Variants in ITGA8 observed in about 807,000 individuals in gnomAD.
ITGA8 encodes integrin subunit alpha 8.
A neutral mutation model predicts 142.3 loss-of-function variants in ITGA8; 91 were observed. That is an observed-to-expected ratio of 0.64 (90% CI 0.54 to 0.76). ITGA8 has a LOEUF of 0.76. Among genes scored for constraint, ITGA8 ranks in the 30% least tolerant of loss-of-function variants. The pLI, the probability that ITGA8 is intolerant of heterozygous loss-of-function variation, is 0.00. For missense variants in ITGA8, 1,406 were observed against 1,327.7 expected, an observed-to-expected ratio of 1.06 and a Z score of -0.92; for synonymous variants, 505 against 485.2, an observed-to-expected ratio of 1.04 and a Z score of -0.54.
At chr10:15,694,678 C>CAT (rs71374639) in intron 2 of ITGA8, among the ~76,000 whole-genome samples, 2,396 of 77,484 alleles carry the variant, frequency 0.031, 148 homozygotes, top group African/African-American at 0.099. Flanking sequence ...TATTTGTCGA[C>CAT]ATATATATAT....
At chr10:15,524,022 C>A (rs1306930463) in intron 28 of ITGA8, among the ~76,000 whole-genome samples, 2 of 152,152 alleles carry the variant, frequency 1.3e-5, no homozygotes, top group Admixed American at 6.5e-5. Context: ...TCCATGTCAT[C>A]CTGTGCAATT....
chr10:15,544,349 T>C (rs60367108), intron 27 of ITGA8, among the ~76,000 whole-genome samples: 8,388 of 151,916 alleles, frequency 0.055, 749 homozygotes, highest in African/African-American at 0.19. Flanking sequence ...CAAAACCCCA[T>C]AAAAACAAAT....
At chr10:15,629,978 GCA>G (rs1173672335) in intron 13 of ITGA8, among the ~76,000 whole-genome samples, 1 of 151,934 alleles carries the variant, frequency 6.6e-6, no homozygotes, top group Non-Finnish European at 1.5e-5. Flanking sequence ...TTGGAGAAAG[GCA>G]CAGACCTGTC....
At chr10:15,534,822 C>G (rs1041651852) in intron 27 of ITGA8, among the ~76,000 whole-genome samples, 3 of 152,210 alleles carry the variant, frequency 2.0e-5, no homozygotes, top group Non-Finnish European at 2.9e-5. Context: ...CCTCACAGCC[C>G]TGGCTCGCTC....
intron 8 of ITGA8, among the ~76,000 whole-genome samples, chr10:15,670,824 A>G (rs904539933): frequency 6.6e-6 from 1 of 152,168 alleles, no homozygotes; most frequent in African/African-American, 2.4e-5. Context: ...CTGAGCCCAG[A>G]CTTTGCTCGA....
At chr10:15,717,084 A>T (rs560455815) in intron 2 of ITGA8, among the ~76,000 whole-genome samples, 1 of 152,362 alleles carries the variant, frequency 6.6e-6, no homozygotes, top group South Asian at 2.1e-4. Context: ...TATTGGGATG[A>T]GTACTTACAA....
chr10:15,586,022 T>G (rs1832823766), intron 23 of ITGA8, among the ~76,000 whole-genome samples: 1 of 151,562 alleles, frequency 6.6e-6, no homozygotes, highest in African/African-American at 2.4e-5. Flanking sequence ...GTTTGATTAC[T>G]GCACTGTCAA....
At chr10:15,655,510 G>T (rs1588701819) in intron 10 of ITGA8, 104 bp from the exon 11 acceptor site, 2 of 825,156 alleles carry the variant, frequency 2.4e-6, no homozygotes, top group Non-Finnish European at 4.0e-6. Flanking sequence ...GTACATTTTT[G>T]CATTGAAATT....
intron 13 of ITGA8, among the ~76,000 whole-genome samples, chr10:15,622,598 AAAAC>A (rs1359919841): frequency 1.3e-4 from 2 of 15,532 alleles, no homozygotes; most frequent in Non-Finnish European, 4.5e-4. Context: ...AAAACAAAAC[AAAAC>A]AAAAAAAAAA....
In ITGA8 at chr10:15,719,522, C is replaced by T. The variant is rs761220044; in HGVS notation, c.209+41G>A. On this transcript the variant is annotated intron_variant, in intron 1 of 29. Transcript: ENST00000378076. ...GCCGCTGGGACCTGACCCGGGAGCG[C>T]CTTCGTCCCCGCGCGCACCTCCCCG... 8 of 1,491,254 alleles carry T rather than the reference C, an allele frequency of 5.4e-6. No individual in the cohort carries two copies. In the East Asian group the frequency reaches 2.2e-4, roughly 41 times the overall value. The allele number at this position is 1,491,254 out of a possible 1,614,324, so 92.4% of individuals were successfully genotyped here.
Position 15,548,567 on chromosome 10 carries a change from T to C in ITGA8, c.2768A>G (p.Asn923Ser). Residue 923 changes from asparagine (N) to serine (S), a missense_variant and splice_region_variant, in exon 27 of 30, where the codon AAT becomes AGT. By Grantham distance (46) the Asn-to-Ser change is conservative. Coordinates refer to ENST00000378076, the MANE Select transcript of ITGA8 (RefSeq NM_003638.3). ...TTGTAAACACTCGATATTTGTACAA[T>C]TCTGCAAACAGCAGTGGGAACACGT... ...FHRQSPAKILNCTNIECLQIS... is the reference protein window; with the variant it reads ...FHRQSPAKILSCTNIECLQIS... The C allele has an allele frequency of 6.3e-7, 1 of 1,598,372 alleles. No homozygotes were observed. The highest frequency in any genetic ancestry group is 8.6e-7 in the Non-Finnish European group (1 of 1,167,650).
At chr10:15,570,387 C>A (rs2131579799) in intron 25 of ITGA8, among the ~76,000 whole-genome samples, 1 of 152,062 alleles carries the variant, frequency 6.6e-6, no homozygotes, top group African/African-American at 2.4e-5. Flanking sequence ...GTGGGCGGAT[C>A]ACCTGAGGTC....
chr10:15,655,497 G>A lies in ITGA8; in HGVS notation c.949-91C>T, dbSNP rs1485374674. 8 of 906,150 alleles carry A rather than the reference G, an allele frequency of 8.8e-6. No individual in the cohort carries two copies. The East Asian group carries it at 1.5e-4, about 17-fold the overall frequency. The allele number at this position is 906,150 out of a possible 1,614,324, so 56.1% of individuals were successfully genotyped here. ...TTATTCCTGAAAGATTCATCTCATT[G>A]TGGTACATTTTTGCATTGAAATTCA... On this transcript the variant is annotated intron_variant, in intron 10 of 29. Transcript: ENST00000378076.
intron 2 of ITGA8, among the ~76,000 whole-genome samples, chr10:15,701,933 G>C (rs2131727632): frequency 6.6e-6 from 1 of 152,312 alleles, no homozygotes; most frequent in African/African-American, 2.4e-5. Context: ...TGATGCATCT[G>C]AGAACAGGGA....
At chr10:15,521,759 G>A (rs1008687787) in intron 28 of ITGA8, among the ~76,000 whole-genome samples, 1 of 152,216 alleles carries the variant, frequency 6.6e-6, no homozygotes, top group African/African-American at 2.4e-5. Flanking sequence ...GATGAGAAAC[G>A]TAGTTCATAC....
chr10:15,520,492 A>AG (rs1235688392), intron 28 of ITGA8, among the ~76,000 whole-genome samples: 1 of 152,178 alleles, frequency 6.6e-6, no homozygotes, highest in Non-Finnish European at 1.5e-5. Context: ...CACTGTTGCA[A>AG]GGGGGCTTAG....
At chr10:15,531,611 A>G (rs7072127) in intron 27 of ITGA8, among the ~76,000 whole-genome samples, 17,540 of 152,240 alleles carry the variant, frequency 0.12, 1,072 homozygotes, top group Middle Eastern at 0.16. Context: ...ATGGACGGAA[A>G]TATTTTAGGA....
intron 13 of ITGA8, among the ~76,000 whole-genome samples, chr10:15,627,238 G>A (rs1833601115): frequency 1.3e-5 from 2 of 152,202 alleles, no homozygotes; most frequent in Non-Finnish European, 2.9e-5. Context: ...ATTCTGATAA[G>A]ATCCTTCTCT....
intron 8 of ITGA8, 143 bp from the exon 9 acceptor site, chr10:15,661,065 C>T (rs1834277417): frequency 2.8e-5 from 20 of 701,984 alleles, no homozygotes; most frequent in South Asian, 1.7e-4. Context: ...AGCCCCAGGC[C>T]ATCAACCAGC....
Sources: allele counts gnomAD v4.1 joint callset (sites outside exome capture counted in the v4.1 genomes callset), GRCh38; gene constraint gnomAD v4.1.1; transcripts MANE v1.5; gene names NCBI Gene and HGNC (gene_info 2026-07-23, HGNC 2026-07-21).